Variants in HSD3B2 observed in about 807,000 individuals in gnomAD.
The protein encoded by HSD3B2 is hydroxy-delta-5-steroid dehydrogenase, 3 beta- and steroid delta-isomerase 2.
HSD3B2 carries 8 observed loss-of-function variants against 9.9 expected under a neutral mutation model. The observed-to-expected ratio is 0.81, with a 90% CI of 0.47 to 1.46. The LOEUF is 1.46. HSD3B2 is among the 40% of genes most tolerant of loss of function. The pLI, the probability that HSD3B2 is intolerant of heterozygous loss-of-function variation, is 0.00. For missense variants in HSD3B2, 410 were observed against 448.3 expected (o/e 0.91, Z 0.77); for synonymous variants, 221 against 184.5 (o/e 1.20, Z -1.60).
At chr1:119,415,697 G>A (rs587733930) in intron 2 of HSD3B2, 136 bp downstream of exon 2, 34 of 946,162 alleles carry the variant, frequency 3.6e-5, no homozygotes, top group South Asian at 3.2e-4. Flanking sequence ...TCATCAGAAA[G>A]GAAATAGAAT....
intron 2 of HSD3B2, 36 bp from the exon 3 acceptor site, chr1:119,419,382 G>T (rs774484980): frequency 3.1e-6 from 5 of 1,612,044 alleles, no homozygotes; most frequent in Non-Finnish European, 4.2e-6. Context: ...GCCAGATCCA[G>T]AAATCTTTCC....
intron 2 of HSD3B2, among the ~76,000 whole-genome samples, chr1:119,418,176 C>T (rs955488563): frequency 3.3e-5 from 5 of 152,194 alleles, no homozygotes; most frequent in Non-Finnish European, 7.3e-5. Context: ...CTTGGCTAGA[C>T]ATTAGACAGC....
chr1:119,418,607 CTGTT>C (rs919068677), intron 2 of HSD3B2, among the ~76,000 whole-genome samples: 6 of 146,604 alleles, frequency 4.1e-5, no homozygotes, highest in African/African-American at 1.0e-4. Context: ...AACTCTGCGT[CTGTT>C]TATCTTTTAT....
rs1210359133 is a variant in HSD3B2 at position 119,422,489 on chromosome 1, T to C, written c.988T>C (p.Tyr330His). The change falls in exon 4 of 4, where the codon TAC becomes CAC. Residue 330 changes from tyrosine to histidine, a missense_variant. Tyr to His is a moderately conservative substitution (Grantham distance 83). Transcript: ENST00000369416. ...TLSNSVFTFSYKKAQRDLAYK... is the reference protein window; with the variant it reads ...TLSNSVFTFSHKKAQRDLAYK... ...ATCAAATAGTGTGTTCACCTTCTCT[T>C]ACAAGAAGGCTCAGCGAGATCTGGC... 1.9e-6 allele frequency: 3 copies of C among 1,613,946 alleles called. No homozygotes were observed. Among genetic ancestry groups the C allele is most frequent in the Non-Finnish European group, 1.7e-6 (2 of 1,179,990 alleles).
In HSD3B2 at chr1:119,419,155, C is replaced by T. The variant is rs185397763; in HGVS notation, c.143-263C>T. ...TGACTCTAGCAATGCTTATATTTCA[C>T]GGATGTGTGACAATTCACTGCTCAC... On this transcript the variant is annotated intron_variant, in intron 2 of 3. Transcript: ENST00000369416. Among the ~76,000 whole-genome samples the T allele has an allele frequency of 2.8e-3, 422 of 152,224 alleles. 1 individual carries two copies. The highest frequency in any genetic ancestry group is 9.5e-3 in the African/African-American group (393 of 41,542).
chr1:119,415,283 A>G, intron 1 of HSD3B2, 48 bp from the exon 2 acceptor site: 1 of 870,646 alleles, frequency 1.1e-6, no homozygotes, highest in East Asian at 2.6e-5. Flanking sequence ...GGGTGGAGGA[A>G]AATAAGGCAT....
intron 2 of HSD3B2, among the ~76,000 whole-genome samples, chr1:119,418,300 T>C (rs1651763596): frequency 1.3e-5 from 2 of 152,232 alleles, no homozygotes; most frequent in Non-Finnish European, 2.9e-5. Context: ...CTGCAATTCC[T>C]GAGTAATGGC....
At chr1:119,419,981 C>T (rs1436292632) in intron 3 of HSD3B2, 5 of 310,396 alleles carry the variant, frequency 1.6e-5, no homozygotes, top group Non-Finnish European at 3.1e-5. Flanking sequence ...CCAGGTGCCA[C>T]CATAGTCATC....
rs114111684 is a variant in HSD3B2, at chr1:119,419,203, G to A, written c.143-215G>A. On this transcript the variant is annotated intron_variant, in intron 2 of 3. Coordinates refer to ENST00000369416, the MANE Select transcript of HSD3B2 (RefSeq NM_000198.4). ...CACATTACTTTTCTGGAATAAGATG[G>A]GGTAGAAACAGATGTTTGCTCTTTC... is the stretch of plus-strand genomic sequence containing the variant. 0.012 allele frequency among the ~76,000 whole-genome samples: 1,829 copies of A among 152,208 alleles called. 32 individuals are homozygous for A. The highest frequency in any genetic ancestry group is 0.041 in the African/African-American group (1,719 of 41,514).
At position 119,422,125 on chromosome 1, in the gene HSD3B2, T is replaced by C. The variant is rs1040579140; in HGVS notation, c.624T>C (p.Asn208=). 6.8e-6 allele frequency: 11 copies of C among 1,614,060 alleles called. No homozygotes were observed. The highest frequency in any genetic ancestry group is 2.2e-5 in the East Asian group (1 of 44,846). Residue 208 remains asparagine (N), a synonymous_variant, in exon 4 of 4, where the codon AAT becomes AAC. Transcript: ENST00000369416. ...GTATAAATGAGGCCCTGAACAACAA[T>C]GGGATCCTGTCAAGTGTTGGAAAGT... ...SASINEALNN[N]GILSSVGKFS... is the part of the protein sequence containing the mutation.
In HSD3B2 at chr1:119,421,747, G is replaced by A. The variant is rs1013379075; in HGVS notation, c.308-62G>A. The A allele has an allele frequency of 1.9e-6, 3 of 1,574,980 alleles. No homozygotes were observed. In the African/African-American group the frequency reaches 4.1e-5, roughly 21 times the overall value. The stretch of plus-strand genomic sequence containing the variant: ...TGGGGAGTGGGGCACATGGATCTGT[G>A]CATGTGGTTGCAGCTCCTTTGGGAT... On this transcript the variant is annotated intron_variant, in intron 3 of 3. Coordinates refer to ENST00000369416, the MANE Select transcript of HSD3B2 (RefSeq NM_000198.4).
At chr1:119,418,016 T>C (rs982840227) in intron 2 of HSD3B2, among the ~76,000 whole-genome samples, 7 of 152,174 alleles carry the variant, frequency 4.6e-5, no homozygotes, top group Non-Finnish European at 7.3e-5. Flanking sequence ...ATGCAGATTA[T>C]AAAGCACAAA....
At chr1:119,421,121 T>A (rs749503155) in intron 3 of HSD3B2, among the ~76,000 whole-genome samples, 1 of 152,004 alleles carries the variant, frequency 6.6e-6, no homozygotes, top group South Asian at 2.1e-4. Flanking sequence ...CCAGCAATTC[T>A]ATGTATATCT....
intron 2 of HSD3B2, among the ~76,000 whole-genome samples, chr1:119,417,826 C>T (rs1557868002): frequency 6.6e-6 from 1 of 152,150 alleles, no homozygotes; most frequent in Non-Finnish European, 1.5e-5. Context: ...ATTCCTGCAC[C>T]TGGGGTACAG....
intron 2 of HSD3B2, among the ~76,000 whole-genome samples, chr1:119,416,310 CT>C (rs201185775): frequency 6.6e-6 from 1 of 151,736 alleles, no homozygotes. Flanking sequence ...CATATATAGC[CT>C]TTTTAAAAAA....
At chr1:119,417,782 T>C (rs191202204) in intron 2 of HSD3B2, among the ~76,000 whole-genome samples, 1 of 152,316 alleles carries the variant, frequency 6.6e-6, no homozygotes, top group Admixed American at 6.5e-5. Flanking sequence ...GGCTTATTCT[T>C]ACTCTTTCTC....
intron 3 of HSD3B2, among the ~76,000 whole-genome samples, chr1:119,420,476 A>G (rs1023555326): frequency 6.6e-6 from 1 of 152,208 alleles, no homozygotes; most frequent in Non-Finnish European, 1.5e-5. Flanking sequence ...AAGTACCGCT[A>G]TAGTTCAAGG....
chr1:119,415,067 A>T (rs996475636), upstream of HSD3B2: 1 of 331,596 alleles, frequency 3.0e-6, no homozygotes, highest in Non-Finnish European at 5.8e-6. Context: ...GGAGGGAGCA[A>T]TGAGTATGTG....
rs761068679 is a variant in HSD3B2, at chr1:119,415,535, G to C, written c.116G>C (p.Arg39Thr). 32 of 1,613,754 alleles carry C rather than the reference G, an allele frequency of 2.0e-5. No homozygotes were observed. The highest frequency in any genetic ancestry group is 2.2e-5 in the East Asian group (1 of 44,882). ...ATCAGGGCCTTGGACAAGGCCTTCA[G>C]ACCAGAATTGAGAGAGGAATTTTCT... ...KEIRALDKAF[R>T]PELREEFSKL... Residue 39 changes from arginine (R) to threonine (T), a missense_variant, in exon 2 of 4, where the codon AGA (arginine) becomes ACA (threonine). Physicochemically the swap from Arg to Thr is moderately conservative, Grantham distance 71. Transcript: ENST00000369416.
Sources: gnomAD v4.1 joint callset for allele counts (sites outside exome capture counted in the v4.1 genomes callset) on GRCh38, gnomAD v4.1.1 for gene constraint, MANE v1.5 for transcripts, NCBI Gene and HGNC (gene_info 2026-07-23, HGNC 2026-07-21) for gene names.